The following GPR107 variants were observed in gnomAD, a reference collection of about 807,000 sequenced individuals.
The protein encoded by GPR107 is protein GPR107.
In GPR107, 31 loss-of-function variants were observed where a neutral mutation model predicts 75.5. That is an observed-to-expected ratio of 0.41 (90% confidence interval 0.31 to 0.55). The LOEUF (loss-of-function observed/expected upper bound fraction) is 0.55. GPR107 is among the 20% of genes least tolerant of loss of function. GPR107 has a pLI of 0.26. For missense variants in GPR107, 572 were observed against 665.7 expected, an observed-to-expected ratio of 0.86 and a Z score of 1.55; for synonymous variants, 267 against 251.3, an observed-to-expected ratio of 1.06 and a Z score of -0.59.
chr9:130,063,063 T>C (rs913031558), intron 1 of GPR107, among the ~76,000 whole-genome samples: 1 of 152,248 alleles, frequency 6.6e-6, no homozygotes, highest in Non-Finnish European at 1.5e-5. Context: ...TGAACTAGAA[T>C]GACTCCTAAC....
intron 1 of GPR107, 74 bp downstream of exon 1, chr9:130,054,147 A>C: frequency 4.4e-6 from 6 of 1,370,588 alleles, no homozygotes; most frequent in Non-Finnish European, 5.9e-6. Context: ...ACTTTGGCCC[A>C]TTGGGGACCT....
rs540955334 is a variant in GPR107, at chr9:130,109,992, G to T, written c.1306+2453G>T. Among the ~76,000 whole-genome samples the T allele has an allele frequency of 3.3e-5, 5 of 152,282 alleles. 1 individual carries two copies. In the South Asian group the frequency reaches 1.0e-3, roughly 32 times the overall value. ...AAAATGTGTAAAAATCCCAAGGGCGGTGCTTTTTGTTGGCGAGGCTTACCT... is the reference window on the plus strand; with the variant it reads ...AAAATGTGTAAAAATCCCAAGGGCGTTGCTTTTTGTTGGCGAGGCTTACCT... On this transcript the variant is annotated intron_variant, in intron 14 of 17. Coordinates refer to ENST00000347136, the MANE Select transcript of GPR107 (RefSeq NM_020960.5).
Position 130,086,537 on chromosome 9 carries a change from T to C in GPR107, c.621+61T>C, listed in dbSNP as rs140491295. On this transcript the variant is annotated intron_variant, in intron 7 of 17. Transcript: ENST00000347136. The stretch of plus-strand genomic sequence containing the variant: ...TCTCTCTACCATGTAAAAGGGTAAT[T>C]TTTTTTTAGAGGAATTTTGAATTTA... 2,884 of 962,634 alleles carry C rather than the reference T, an allele frequency of 3.0e-3. 11 individuals are homozygous for C. The highest frequency in any genetic ancestry group is 4.3e-3 in the Non-Finnish European group (2,569 of 598,456). 59.6% of individuals were successfully genotyped at this position (962,634 alleles called of 1,614,324 possible).
chr9:130,117,361 T>C (rs1411765747), intron 14 of GPR107, among the ~76,000 whole-genome samples: 1 of 152,176 alleles, frequency 6.6e-6, no homozygotes, highest in African/African-American at 2.4e-5. Context: ...TTGCTCCTGA[T>C]ATGGTCTTTG....
At chr9:130,062,665 C>A (rs1829961051) in intron 1 of GPR107, among the ~76,000 whole-genome samples, 1 of 40,318 alleles carries the variant, frequency 2.5e-5, no homozygotes, top group Non-Finnish European at 5.0e-5. Context: ...TGCCTGCCTT[C>A]CTTCCTTCCT....
chr9:130,083,992 T>C (rs911558350), intron 6 of GPR107, among the ~76,000 whole-genome samples: 1 of 150,270 alleles, frequency 6.7e-6, no homozygotes, highest in African/African-American at 2.4e-5. Flanking sequence ...AAAAATATTT[T>C]TGGTTGGCAG....
chr9:130,078,355 A>T (rs1830412294), intron 4 of GPR107, among the ~76,000 whole-genome samples: 2 of 152,112 alleles, frequency 1.3e-5, no homozygotes, highest in African/African-American at 4.8e-5. Flanking sequence ...ACAAGACTGG[A>T]GGTAAGAAGA....
chr9:130,078,429 A>G (rs1830413397), intron 4 of GPR107, among the ~76,000 whole-genome samples: 1 of 152,224 alleles, frequency 6.6e-6, no homozygotes, highest in Non-Finnish European at 1.5e-5. Flanking sequence ...CCTAACTTTT[A>G]AAATATTCTC....
At chr9:130,122,462 G>A (rs926670516) in intron 14 of GPR107, among the ~76,000 whole-genome samples, 6 of 152,184 alleles carry the variant, frequency 3.9e-5, no homozygotes, top group Non-Finnish European at 5.9e-5. Flanking sequence ...CTTCATTATC[G>A]ATATCTGATG....
At chr9:130,118,932 C>T (rs1365853720) in intron 14 of GPR107, among the ~76,000 whole-genome samples, 1 of 152,188 alleles carries the variant, frequency 6.6e-6, no homozygotes, top group African/African-American at 2.4e-5. Context: ...TGGATCCTGC[C>T]TGGGGCCTTG....
At chr9:130,062,660 G>GCCTGCCTGCCTGCCTTCCTT (rs1300037621) in intron 1 of GPR107, among the ~76,000 whole-genome samples, 9 of 69,076 alleles carry the variant, frequency 1.3e-4, no homozygotes, top group Non-Finnish European at 2.7e-4. Context: ...CTGCCTGCCT[G>GCCTGCCTGCCTGCCTTCCTT]CCTTCCTTCC....
At chr9:130,102,062 C>T (rs1420048457) in intron 12 of GPR107, among the ~76,000 whole-genome samples, 1 of 152,114 alleles carries the variant, frequency 6.6e-6, no homozygotes, top group Non-Finnish European at 1.5e-5. Context: ...ATGGGACAGG[C>T]CAGTTGCTCT....
intron 9 of GPR107, among the ~76,000 whole-genome samples, chr9:130,095,265 A>C (rs938612216): frequency 1.3e-5 from 2 of 152,196 alleles, no homozygotes; most frequent in African/African-American, 4.8e-5. Flanking sequence ...ATCAGGGCGC[A>C]ATCCAAACAT....
Position 130,110,456 on chromosome 9 carries a change from A to C in GPR107, c.1306+2917A>C, listed in dbSNP as rs558598528. On this transcript the variant is annotated intron_variant, in intron 14 of 17. Transcript: ENST00000347136. ...ACCAGGGTTCACATTCCCCATTCTT[A>C]GGAAGACATCTGCTAAGGAAGCACC... 22 of 1,140,906 alleles carry C rather than the reference A, an allele frequency of 1.9e-5. No homozygotes were observed. The African/African-American group carries it at 3.2e-4, about 17-fold the overall frequency. The allele number at this position is 1,140,906 out of a possible 1,614,324, so 70.7% of individuals were successfully genotyped here. A position where few individuals can be genotyped will look rare whatever the true frequency, so the allele number is the denominator to read the frequency against.
intron 1 of GPR107, among the ~76,000 whole-genome samples, chr9:130,064,187 T>TTTC (rs1210015210): frequency 4.5e-5 from 2 of 44,608 alleles, no homozygotes; most frequent in Non-Finnish European, 9.4e-5. Context: ...TAGCTTTTCT[T>TTTC]TTTTTTTTTT....
Position 130,077,352 on chromosome 9 carries a change from T to G in GPR107, c.360T>G (p.Leu120=). 1.3e-6 allele frequency: 2 copies of G among 1,556,298 alleles called. No individual in the cohort carries two copies. Among genetic ancestry groups the G allele is most frequent in the Non-Finnish European group, 1.8e-6 (2 of 1,127,182 alleles). ...AGAAACAGTCTGTCTCTGTCACCCT[T>G]TTAATCCTAGACATCTCCAGAAGTG... ...ILKKQSVSVT[L]LILDISRSEV... is the part of the protein sequence containing the mutation. The change falls in exon 4 of 18, where the codon CTT becomes CTG. Residue 120 remains leucine (L), a synonymous_variant. Coordinates refer to ENST00000347136, the MANE Select transcript of GPR107 (RefSeq NM_020960.5).
At chr9:130,062,715 A>G (rs1186332123) in intron 1 of GPR107, among the ~76,000 whole-genome samples, 1 of 129,722 alleles carries the variant, frequency 7.7e-6, no homozygotes, top group East Asian at 2.2e-4. Context: ...TTGTCTGTCC[A>G]TCCGTCTTTT....
intron 14 of GPR107, among the ~76,000 whole-genome samples, chr9:130,116,345 C>G (rs1028018065): frequency 6.6e-6 from 1 of 152,172 alleles, no homozygotes; most frequent in African/African-American, 2.4e-5. Flanking sequence ...TGTTGAGAAC[C>G]AACTCTTCTC....
At chr9:130,066,808 A>G (rs1203769732) in intron 1 of GPR107, among the ~76,000 whole-genome samples, 1 of 151,964 alleles carries the variant, frequency 6.6e-6, no homozygotes, top group Non-Finnish European at 1.5e-5. Flanking sequence ...ACACGATGAA[A>G]CCCCGTCTCT....
Sources: gnomAD v4.1 joint callset for allele counts (sites outside exome capture counted in the v4.1 genomes callset) on GRCh38, gnomAD v4.1.1 for gene constraint, MANE v1.5 for transcripts, NCBI Gene and HGNC (gene_info 2026-07-23, HGNC 2026-07-21) for gene names.